The following ADAMTSL1 variants were observed in gnomAD, a reference collection of about 807,000 sequenced individuals.
ADAMTSL1 encodes the protein ADAMTS like 1.
ADAMTSL1 carries 126 observed loss-of-function variants against 201.8 expected under a neutral mutation model. The ratio of observed to expected loss-of-function variants is 0.62; its 90% CI spans 0.54 to 0.72. The LOEUF is 0.72. ADAMTSL1 is among the 30% of genes least tolerant of loss of function. The pLI is 0.00. For missense variants in ADAMTSL1, 2,679 were observed against 2,277.8 expected, an observed-to-expected ratio of 1.18 and a Z score of -3.59; for synonymous variants, 1,121 against 903.4, an observed-to-expected ratio of 1.24 and a Z score of -4.32.
At chr9:18,540,078 A>AT (rs1307162760) in intron 3 of ADAMTSL1, among the ~76,000 whole-genome samples, 1 of 152,142 alleles carries the variant, frequency 6.6e-6, no homozygotes, top group Non-Finnish European at 1.5e-5. Flanking sequence ...GATGAAAGGG[A>AT]TTTTTTCAGG....
intron 25 of ADAMTSL1, chr9:18,890,865 TTTGATGTGCCAGGAACTTTC>T (rs1324104434): frequency 3.4e-6 from 1 of 291,810 alleles, no homozygotes; most frequent in African/African-American, 2.2e-5. Context: ...AGAAGAGATC[TTTGATGTGCCAGGAACTTTC>T]TGACTTGATT....
chr9:18,523,341 G>A (rs1818822028), intron 2 of ADAMTSL1, among the ~76,000 whole-genome samples: 1 of 152,034 alleles, frequency 6.6e-6, no homozygotes, highest in African/African-American at 2.4e-5. Flanking sequence ...GTGGATATTA[G>A]CCCTTTGTCA....
chr9:18,271,031 ACATTAGTCTGCAT>A (rs906634860), intron 2 of ADAMTSL1, among the ~76,000 whole-genome samples: 2 of 152,004 alleles, frequency 1.3e-5, no homozygotes, highest in African/African-American at 4.8e-5. Flanking sequence ...GGGAGCACCT[ACATTAGTCTGCAT>A]CATGAGCAAG....
At position 18,794,648 on chromosome 9, in the gene ADAMTSL1, T is replaced by G. The variant is rs561461694; in HGVS notation, c.3678-749T>G. 1.6e-4 allele frequency among the ~76,000 whole-genome samples: 24 copies of G among 151,950 alleles called. No homozygotes were observed. In the East Asian group the frequency reaches 1.9e-3, roughly 12 times the overall value. ...GTTGTTTTTTTTTGTTGTTGTTGTT[T>G]TTTGAGACAGAGTCATGCTCTGTGT... On this transcript the variant is annotated intron_variant, in intron 19 of 28. Coordinates refer to ENST00000380548, the MANE Select transcript of ADAMTSL1 (RefSeq NM_001040272.6).
chr9:18,724,269 T>G (rs1817732739), intron 15 of ADAMTSL1, among the ~76,000 whole-genome samples: 1 of 152,230 alleles, frequency 6.6e-6, no homozygotes, highest in Non-Finnish European at 1.5e-5. Flanking sequence ...GCCACTTTTT[T>G]TCTTGTATGT....
rs112130759 is a variant in ADAMTSL1, at chr9:18,658,069, A to G, written c.946+319A>G. 9.2e-3 allele frequency among the ~76,000 whole-genome samples: 1,367 copies of G among 148,766 alleles called. 13 individuals carry two copies. Among genetic ancestry groups the G allele is most frequent in the African/African-American group, 0.032 (1,282 of 40,094 alleles). ...GGCTCGCTGCAAGCTCCGCCTCCCG[A>G]GTTCACGCCATTCTCCTGCCTCAGC... On this transcript the variant is annotated intron_variant, in intron 8 of 28. Transcript: ENST00000380548.
intron 2 of ADAMTSL1, among the ~76,000 whole-genome samples, chr9:18,430,318 A>G (rs1193841874): frequency 6.6e-6 from 1 of 152,178 alleles, no homozygotes; most frequent in Non-Finnish European, 1.5e-5. Context: ...TCTGTGACCC[A>G]CAATGGCTTC....
chr9:18,033,770 T>C (rs1821076498), intron 1 of ADAMTSL1, among the ~76,000 whole-genome samples: 1 of 152,242 alleles, frequency 6.6e-6, no homozygotes. Flanking sequence ...GCATCTACTG[T>C]TTGCAGCCCT....
chr9:18,824,471 C>T (rs781516127), intron 21 of ADAMTSL1, among the ~76,000 whole-genome samples: 4 of 152,118 alleles, frequency 2.6e-5, no homozygotes, highest in Non-Finnish European at 5.9e-5. Context: ...GTAGCCCTGC[C>T]TCTCTTTCTC....
At chr9:18,391,485 A>G (rs1057320414) in intron 2 of ADAMTSL1, among the ~76,000 whole-genome samples, 14 of 152,116 alleles carry the variant, frequency 9.2e-5, no homozygotes, top group Non-Finnish European at 1.8e-4. Context: ...TTGCTCTGTC[A>G]CCCAGGCTGG....
chr9:18,252,762 G>A (rs1176025978), intron 2 of ADAMTSL1, among the ~76,000 whole-genome samples: 12 of 152,234 alleles, frequency 7.9e-5, no homozygotes, highest in Non-Finnish European at 1.6e-4. Context: ...TGGTAAGAAT[G>A]TTAGGAAATG....
chr9:18,317,962 A>G (rs1431393131), intron 2 of ADAMTSL1, among the ~76,000 whole-genome samples: 3 of 152,212 alleles, frequency 2.0e-5, no homozygotes, highest in Non-Finnish European at 2.9e-5. Flanking sequence ...AGGACAATAT[A>G]GAGCAGATCT....
At chr9:18,413,597 T>C (rs1469540436) in intron 2 of ADAMTSL1, among the ~76,000 whole-genome samples, 1 of 152,230 alleles carries the variant, frequency 6.6e-6, no homozygotes, top group East Asian at 1.9e-4. Context: ...TTTAGGTGTT[T>C]TCTATTGGGA....
chr9:18,765,733 C>A (rs1430961125), intron 16 of ADAMTSL1, among the ~76,000 whole-genome samples: 1 of 152,168 alleles, frequency 6.6e-6, no homozygotes, highest in Non-Finnish European at 1.5e-5. Flanking sequence ...GTGAAATTCT[C>A]AAACACTTAA....
At chr9:18,280,795 T>C (rs558826119) in intron 2 of ADAMTSL1, among the ~76,000 whole-genome samples, 3 of 152,330 alleles carry the variant, frequency 2.0e-5, no homozygotes, top group Admixed American at 6.5e-5. Flanking sequence ...TAGCTTTCCT[T>C]TGGATTCCTT....
At chr9:18,543,772 C>T (rs938592952) in intron 3 of ADAMTSL1, among the ~76,000 whole-genome samples, 1 of 152,200 alleles carries the variant, frequency 6.6e-6, no homozygotes, top group Non-Finnish European at 1.5e-5. Context: ...CCCTGCAGTG[C>T]TTGCTGCCAG....
intron 4 of ADAMTSL1, among the ~76,000 whole-genome samples, chr9:18,598,911 A>G (rs1189304750): frequency 6.6e-6 from 1 of 152,202 alleles, no homozygotes; most frequent in African/African-American, 2.4e-5. Flanking sequence ...AGAAGCAGCC[A>G]AAGTCACACT....
chr9:18,849,411 A>G (rs1826341899), intron 23 of ADAMTSL1, among the ~76,000 whole-genome samples: 1 of 152,232 alleles, frequency 6.6e-6, no homozygotes, highest in Non-Finnish European at 1.5e-5. Flanking sequence ...CAGTTAGTGA[A>G]TACCCTGGGC....
intron 1 of ADAMTSL1, among the ~76,000 whole-genome samples, chr9:18,110,744 G>C: frequency 6.6e-6 from 1 of 152,084 alleles, no homozygotes; most frequent in East Asian, 1.9e-4. Flanking sequence ...TTTAATGAAA[G>C]GTTCTTAGCA....
Sources: allele counts gnomAD v4.1 joint callset (sites outside exome capture counted in the v4.1 genomes callset), GRCh38; gene constraint gnomAD v4.1.1; transcripts MANE v1.5; gene names NCBI Gene and HGNC (gene_info 2026-07-23, HGNC 2026-07-21).